Variants in BMP6 observed in about 807,000 individuals in gnomAD.
BMP6 encodes bone morphogenetic protein 6, also known as VG-1-R.
In BMP6, 17 loss-of-function variants were observed where a neutral mutation model predicts 54.1. The observed-to-expected ratio is 0.31, with a 90% CI of 0.22 to 0.47. BMP6 has a LOEUF of 0.47. BMP6 is among the 20% of genes least tolerant of loss of function. BMP6 has a pLI of 1.00. For missense variants in BMP6, 720 were observed against 690.4 expected, an observed-to-expected ratio of 1.04 and a Z score of -0.48; for synonymous variants, 328 against 291.2, an observed-to-expected ratio of 1.13 and a Z score of -1.28.
intron 1 of BMP6, among the ~76,000 whole-genome samples, chr6:7,747,023 C>T (rs1757358226): frequency 6.6e-6 from 1 of 152,192 alleles, no homozygotes; most frequent in Non-Finnish European, 1.5e-5. Context: ...ACACTCTCCT[C>T]CTTTCTACCT....
At chr6:7,842,152 C>G (rs1391426830) in intron 1 of BMP6, among the ~76,000 whole-genome samples, 2 of 152,134 alleles carry the variant, frequency 1.3e-5, no homozygotes, top group African/African-American at 2.4e-5. Context: ...GACAAATCCC[C>G]CAAAACATAG....
chr6:7,802,665 C>G (rs1370606879), intron 1 of BMP6, among the ~76,000 whole-genome samples: 2 of 152,162 alleles, frequency 1.3e-5, no homozygotes, highest in African/African-American at 4.8e-5. Context: ...TCAGCAACAA[C>G]CTATGCACCT....
intron 1 of BMP6, among the ~76,000 whole-genome samples, chr6:7,833,902 A>C (rs114229531): frequency 6.6e-6 from 1 of 152,194 alleles, no homozygotes; most frequent in Non-Finnish European, 1.5e-5. Flanking sequence ...CTGCTAAAAA[A>C]CGACAAGATC....
At chr6:7,878,351 TGAATTG>T (rs1759654916) in intron 4 of BMP6, among the ~76,000 whole-genome samples, 1 of 152,180 alleles carries the variant, frequency 6.6e-6, no homozygotes, top group Admixed American at 6.5e-5. Context: ...TGGGCCTCAG[TGAATTG>T]GGGCACCCCC....
chr6:7,873,505 GGA>G (rs1340955618), intron 4 of BMP6, among the ~76,000 whole-genome samples: 1 of 152,112 alleles, frequency 6.6e-6, no homozygotes, highest in Admixed American at 6.5e-5. Flanking sequence ...CTCAGTGTCT[GGA>G]GTTTTTATGT....
At chr6:7,841,893 G>A (rs1758976408) in intron 1 of BMP6, among the ~76,000 whole-genome samples, 1 of 152,172 alleles carries the variant, frequency 6.6e-6, no homozygotes, top group African/African-American at 2.4e-5. Flanking sequence ...TAAAAGGAAT[G>A]CTTTGAACTG....
chr6:7,877,482 G>C (rs1325755053), intron 4 of BMP6, among the ~76,000 whole-genome samples: 1 of 152,124 alleles, frequency 6.6e-6, no homozygotes, highest in Non-Finnish European at 1.5e-5. Flanking sequence ...AATTAGCTGG[G>C]CATGGTGGCT....
At chr6:7,832,986 T>C (rs1758814925) in intron 1 of BMP6, among the ~76,000 whole-genome samples, 1 of 151,924 alleles carries the variant, frequency 6.6e-6, no homozygotes, top group Admixed American at 6.6e-5. Context: ...TGAAGGGCTC[T>C]TGGCAGGCCT....
chr6:7,842,289 A>G (rs575781184), intron 1 of BMP6, among the ~76,000 whole-genome samples: 6 of 152,268 alleles, frequency 3.9e-5, no homozygotes, highest in Non-Finnish European at 8.8e-5. Context: ...AGTCATGCAA[A>G]GGACATCCAA....
intron 1 of BMP6, among the ~76,000 whole-genome samples, chr6:7,772,097 C>A (rs1319008265): frequency 6.6e-6 from 1 of 151,998 alleles, no homozygotes; most frequent in Non-Finnish European, 1.5e-5. Context: ...CCAAAAAAAC[C>A]CTTTTAGCTT....
At chr6:7,834,312 G>T (rs1183596607) in intron 1 of BMP6, among the ~76,000 whole-genome samples, 2 of 109,956 alleles carry the variant, frequency 1.8e-5, no homozygotes, top group African/African-American at 7.3e-5. Flanking sequence ...ACCAAAATGT[G>T]TATCATCAGA....
chr6:7,797,042 G>C (rs923646124), intron 1 of BMP6, among the ~76,000 whole-genome samples: 26 of 152,152 alleles, frequency 1.7e-4, no homozygotes, highest in African/African-American at 5.6e-4. Context: ...CTAGATCTCA[G>C]TGTCTCCTTG....
chr6:7,775,974 C>T (rs993041586), intron 1 of BMP6, among the ~76,000 whole-genome samples: 2 of 152,222 alleles, frequency 1.3e-5, no homozygotes, highest in Non-Finnish European at 2.9e-5. Flanking sequence ...ACTTCCTCTA[C>T]GTCCATACCA....
At chr6:7,815,759 G>A (rs1419805358) in intron 1 of BMP6, among the ~76,000 whole-genome samples, 2 of 152,166 alleles carry the variant, frequency 1.3e-5, no homozygotes, top group Non-Finnish European at 2.9e-5. Flanking sequence ...GAAGAAAATG[G>A]CTTAATTCAT....
At chr6:7,868,841 TGAG>T (rs1759472256) in intron 4 of BMP6, among the ~76,000 whole-genome samples, 1 of 152,040 alleles carries the variant, frequency 6.6e-6, no homozygotes, top group African/African-American at 2.4e-5. Context: ...GAAGCCCTGG[TGAG>T]GAGACGACTC....
At position 7,727,305 on chromosome 6, in the gene BMP6, A is replaced by G; in HGVS notation, c.350A>G (p.Gln117Arg). 1 of 1,607,996 alleles carries G rather than the reference A, an allele frequency of 6.2e-7. No individual in the cohort carries two copies. The highest frequency in any genetic ancestry group is 8.5e-7 in the Non-Finnish European group (1 of 1,178,026). ...LRQQEEQQQQ[Q>R]QLPRGEPPPG... ...CAGCAGGAGGAGCAGCAGCAGCAGC[A>G]GCAGCTGCCTCGCGGAGAGCCCCCT... The change falls in exon 1 of 7, where the codon CAG (glutamine) becomes CGG (arginine). Residue 117 changes from glutamine to arginine, a missense_variant. Physicochemically the swap from Gln to Arg is conservative, Grantham distance 43. Transcript: ENST00000283147.
chr6:7,797,476 A>G (rs1047347375), intron 1 of BMP6, among the ~76,000 whole-genome samples: 1 of 152,216 alleles, frequency 6.6e-6, no homozygotes, highest in African/African-American at 2.4e-5. Flanking sequence ...TTAGCAATCA[A>G]CCTTGGCAAA....
At chr6:7,791,464 T>A (rs1758106211) in intron 1 of BMP6, among the ~76,000 whole-genome samples, 1 of 152,232 alleles carries the variant, frequency 6.6e-6, no homozygotes, top group Non-Finnish European at 1.5e-5. Flanking sequence ...TCTGGCCCCT[T>A]AAATGTTAGT....
intron 1 of BMP6, among the ~76,000 whole-genome samples, chr6:7,792,283 A>T (rs1028458790): frequency 6.6e-6 from 1 of 152,206 alleles, no homozygotes; most frequent in Non-Finnish European, 1.5e-5. Flanking sequence ...GATTGAGGAT[A>T]TTAACCTCAT....
Sources: allele counts gnomAD v4.1 joint callset (sites outside exome capture counted in the v4.1 genomes callset), GRCh38; gene constraint gnomAD v4.1.1; transcripts MANE v1.5; gene names NCBI Gene and HGNC (gene_info 2026-07-23, HGNC 2026-07-21).